The following RUNDC3B variants were observed in gnomAD, a reference collection of about 807,000 sequenced individuals.
RUNDC3B encodes the protein RUN domain-containing protein 3B.
A neutral mutation model predicts 58.4 loss-of-function variants in RUNDC3B; 33 were observed. The ratio of observed to expected loss-of-function variants is 0.56; its 90% CI spans 0.43 to 0.75. The LOEUF (loss-of-function observed/expected upper bound fraction) is 0.75. Ranked by LOEUF, RUNDC3B falls within the 30% of genes least tolerant of loss-of-function variation. The pLI, the probability that RUNDC3B is intolerant of heterozygous loss-of-function variation, is 0.00. For synonymous variants in RUNDC3B, 193 were observed against 195.2 expected (o/e 0.99, Z 0.10); for missense variants, 501 against 535.7 (o/e 0.94, Z 0.64).
intron 6 of RUNDC3B, among the ~76,000 whole-genome samples, chr7:87,762,656 T>C (rs1470888907): frequency 2.6e-5 from 4 of 151,602 alleles, no homozygotes; most frequent in Middle Eastern, 3.2e-3. Context: ...TCATCTAATC[T>C]ATCATGCCTT....
intron 2 of RUNDC3B, among the ~76,000 whole-genome samples, chr7:87,672,141 CAGGG>C (rs1204800807): frequency 6.6e-6 from 1 of 152,180 alleles, no homozygotes; most frequent in Non-Finnish European, 1.5e-5. Context: ...AGCATCATCC[CAGGG>C]AGAATTCAAA....
chr7:87,675,508 T>G (rs529447618), intron 2 of RUNDC3B, among the ~76,000 whole-genome samples: 7 of 151,938 alleles, frequency 4.6e-5, no homozygotes, highest in Non-Finnish European at 7.4e-5. Flanking sequence ...AACAGATACA[T>G]AGACCAATGG....
chr7:87,756,052 G>C (rs988336496), intron 6 of RUNDC3B, among the ~76,000 whole-genome samples: 1 of 152,000 alleles, frequency 6.6e-6, no homozygotes, highest in Non-Finnish European at 1.5e-5. Context: ...TTTGGGATGC[G>C]GGGCAGGGCA....
Position 87,689,505 on chromosome 7 carries a change from T to G in RUNDC3B, c.239-10916T>G, listed in dbSNP as rs965931817. 5.3e-5 allele frequency among the ~76,000 whole-genome samples: 8 copies of G among 152,302 alleles called. No homozygotes were observed. The South Asian group carries it at 6.2e-4, about 12-fold the overall frequency. On this transcript the variant is annotated intron_variant, in intron 2 of 10. Coordinates refer to ENST00000394654, the MANE Select transcript of RUNDC3B (RefSeq NM_001134405.2). The stretch of plus-strand genomic sequence containing the variant: ...TTGCTTTATTGCGCTAATATTTACT[T>G]TATTGTGCTAATATTACTTTAGCTA...
At chr7:87,712,351 T>G (rs1196939546) in intron 4 of RUNDC3B, among the ~76,000 whole-genome samples, 6 of 152,128 alleles carry the variant, frequency 3.9e-5, no homozygotes, top group Non-Finnish European at 8.8e-5. Flanking sequence ...CTAAGTTTCA[T>G]TATGAAACTT....
chr7:87,674,470 G>A (rs758934732), intron 2 of RUNDC3B, among the ~76,000 whole-genome samples: 8 of 152,280 alleles, frequency 5.3e-5, no homozygotes, highest in Middle Eastern at 3.4e-3. Context: ...CATGCTGGCA[G>A]TTCTAGGGTG....
rs561279763 is a variant in RUNDC3B at position 87,704,637 on chromosome 7, T to C, written c.372+4083T>C. Among the ~76,000 whole-genome samples the C allele has an allele frequency of 5.3e-5, 8 of 152,346 alleles. 2 individuals carry two copies. In the South Asian group the frequency reaches 1.7e-3, roughly 32 times the overall value. Reference sequence around the variant, plus strand: ...AGTTAATATTTATTCTGTGAAGTACTGGTATTGAGAATCAAAACACCACAG... The same window carrying C: ...AGTTAATATTTATTCTGTGAAGTACCGGTATTGAGAATCAAAACACCACAG... On this transcript the variant is annotated intron_variant, in intron 3 of 10. Coordinates refer to ENST00000394654, the MANE Select transcript of RUNDC3B (RefSeq NM_001134405.2).
chr7:87,768,719 C>A (rs534230965), intron 6 of RUNDC3B, among the ~76,000 whole-genome samples: 1 of 152,300 alleles, frequency 6.6e-6, no homozygotes, highest in Non-Finnish European at 1.5e-5. Flanking sequence ...TGGTCAGTCT[C>A]TCCCAGGCTC....
At chr7:87,788,098 A>C (rs1225430443) in intron 8 of RUNDC3B, among the ~76,000 whole-genome samples, 2 of 152,192 alleles carry the variant, frequency 1.3e-5, no homozygotes, top group African/African-American at 4.8e-5. Context: ...AGTATTTTAA[A>C]AGGCATTGAC....
rs1838108643 is a variant in RUNDC3B, at chr7:87,831,161, A to G, written c.*1131A>G. ...TACATTAATCCCTAAAAATCCCACC[A>G]TACTGAAAATGTATGGCGTGTATTT... On this transcript the variant is annotated 3_prime_UTR_variant, in exon 11 of 11. Transcript: ENST00000394654. 1 of 151,152 alleles carries G rather than the reference A, an allele frequency of 6.6e-6. No homozygotes were observed. Among genetic ancestry groups the G allele is most frequent in the African/African-American group, 2.4e-5 (1 of 41,124 alleles). 9.4% of individuals were successfully genotyped at this position (151,152 alleles called of 1,614,324 possible).
At chr7:87,827,011 A>G (rs1377797718) in intron 10 of RUNDC3B, among the ~76,000 whole-genome samples, 2 of 152,240 alleles carry the variant, frequency 1.3e-5, no homozygotes, top group African/African-American at 4.8e-5. Context: ...AGCAAATTTA[A>G]CAAAGCAAAA....
intron 2 of RUNDC3B, among the ~76,000 whole-genome samples, chr7:87,660,372 A>G (rs1189331647): frequency 6.6e-6 from 1 of 151,806 alleles, no homozygotes; most frequent in Non-Finnish European, 1.5e-5. Flanking sequence ...TATCCCATAT[A>G]CTCTCAATTT....
In RUNDC3B at chr7:87,674,988, C is replaced by CCCTGTACCTACAGCCTTTT. The variant is rs536248619; in HGVS notation, c.238+24053_238+24071dup. ...CCTCTTGGTTTTGCACAGGCTGGAGCCCTGTACCTACAGCCTTTTCAGGCA... is the reference window on the plus strand; with the variant it reads ...CCTCTTGGTTTTGCACAGGCTGGAGCCCTGTACCTACAGCCTTTTCCTGTACCTACAGCCTTTTCAGGCA... On this transcript the variant is annotated intron_variant, in intron 2 of 10. Coordinates refer to ENST00000394654, the MANE Select transcript of RUNDC3B (RefSeq NM_001134405.2). Among the ~76,000 whole-genome samples the CCCTGTACCTACAGCCTTTT allele has an allele frequency of 5.3e-5, 8 of 152,338 alleles. No homozygotes were observed. The South Asian group carries it at 1.7e-3, about 32-fold the overall frequency.
intron 3 of RUNDC3B, among the ~76,000 whole-genome samples, chr7:87,703,303 G>C (rs893916132): frequency 6.6e-6 from 1 of 151,388 alleles, no homozygotes; most frequent in African/African-American, 2.4e-5. Context: ...ATGAAGATAT[G>C]TTCAAATTAA....
intron 2 of RUNDC3B, among the ~76,000 whole-genome samples, chr7:87,653,807 T>C (rs751019726): frequency 1.3e-5 from 2 of 152,016 alleles, no homozygotes; most frequent in Non-Finnish European, 2.9e-5. Context: ...CTTAGTCTTC[T>C]GGCTTACCAC....
intron 1 of RUNDC3B, among the ~76,000 whole-genome samples, chr7:87,629,464 A>G (rs1347638331): frequency 6.6e-6 from 1 of 152,092 alleles, no homozygotes; most frequent in African/African-American, 2.4e-5. Flanking sequence ...TGTACTATCC[A>G]CTTTTCAGCT....
intron 2 of RUNDC3B, among the ~76,000 whole-genome samples, chr7:87,656,430 C>T (rs913831934): frequency 8.6e-5 from 13 of 151,806 alleles, no homozygotes; most frequent in South Asian, 4.2e-4. Context: ...AGGACTGGAA[C>T]GATGCAGAGA....
chr7:87,775,753 A>G (rs961617310), intron 7 of RUNDC3B, among the ~76,000 whole-genome samples: 18 of 152,180 alleles, frequency 1.2e-4, no homozygotes, highest in Admixed American at 2.0e-4. Context: ...TTGTATTACA[A>G]TTGCCTACAG....
chr7:87,707,015 C>G (rs1385092628), intron 3 of RUNDC3B, among the ~76,000 whole-genome samples: 1 of 152,184 alleles, frequency 6.6e-6, no homozygotes, highest in East Asian at 1.9e-4. Context: ...AAGACAATAT[C>G]TTTGGAGTAA....
Sources: allele counts gnomAD v4.1 joint callset (sites outside exome capture counted in the v4.1 genomes callset), GRCh38; gene constraint gnomAD v4.1.1; transcripts MANE v1.5; gene names NCBI Gene and HGNC (gene_info 2026-07-23, HGNC 2026-07-21).